The following DCC variants were observed in gnomAD, a reference collection of about 807,000 sequenced individuals.
The protein encoded by DCC is DCC netrin 1 receptor, also known as netrin receptor DCC.
DCC carries 58 observed loss-of-function variants against 172.5 expected under a neutral mutation model. The ratio of observed to expected loss-of-function variants is 0.34; its 90% CI spans 0.27 to 0.42. The LOEUF is 0.42. Ranked by LOEUF, DCC falls within the 10% of genes least tolerant of loss-of-function variation. DCC has a pLI of 1.00. For missense variants in DCC, 1,740 were observed against 1,791.0 expected, an observed-to-expected ratio of 0.97 and a Z score of 0.51; for synonymous variants, 709 against 644.5, an observed-to-expected ratio of 1.10 and a Z score of -1.52.
intron 5 of DCC, among the ~76,000 whole-genome samples, chr18:53,025,057 AT>A (rs2041937536): frequency 6.6e-6 from 1 of 152,164 alleles, no homozygotes; most frequent in African/African-American, 2.4e-5. Context: ...ATTCTTGAAA[AT>A]GCTTGAATTT....
At chr18:52,580,259 GTTTGT>G (rs975702364) in intron 1 of DCC, among the ~76,000 whole-genome samples, 1 of 152,106 alleles carries the variant, frequency 6.6e-6, no homozygotes, top group Non-Finnish European at 1.5e-5. Flanking sequence ...CTTTTGTTTT[GTTTGT>G]TTTGTTTTGT....
At chr18:52,700,666 C>T (rs12608115) in intron 1 of DCC, among the ~76,000 whole-genome samples, 55,711 of 152,020 alleles carry the variant, frequency 0.37, 11,486 homozygotes, top group Non-Finnish European at 0.47. Flanking sequence ...GCCACTTGTA[C>T]TCAATAGGTA....
chr18:53,521,570 A>C (rs2046399122), intron 27 of DCC, among the ~76,000 whole-genome samples: 1 of 152,126 alleles, frequency 6.6e-6, no homozygotes. Flanking sequence ...ATTCTAAAAG[A>C]ATCTTTACTT....
intron 3 of DCC, among the ~76,000 whole-genome samples, chr18:52,907,198 T>A (rs142193839): frequency 0.012 from 1,796 of 147,626 alleles, 27 homozygotes; most frequent in African/African-American, 0.04. Context: ...ATTATATATA[T>A]ACCCTATATA....
chr18:52,699,414 C>G (rs536410078), intron 1 of DCC, among the ~76,000 whole-genome samples: 42 of 152,306 alleles, frequency 2.8e-4, no homozygotes, highest in African/African-American at 9.6e-4. Context: ...CCCTATCCCC[C>G]CCAAGGTTTG....
intron 1 of DCC, among the ~76,000 whole-genome samples, chr18:52,445,621 C>G (rs1240245507): frequency 2.0e-5 from 3 of 152,078 alleles, no homozygotes; most frequent in Non-Finnish European, 2.9e-5. Flanking sequence ...TTCAGATGTT[C>G]AGTTTCTCTA....
intron 7 of DCC, among the ~76,000 whole-genome samples, chr18:53,076,475 A>G (rs1449645286): frequency 6.6e-6 from 1 of 152,132 alleles, no homozygotes; most frequent in East Asian, 1.9e-4. Flanking sequence ...CCACCTCTGA[A>G]GGCTTTACTT....
intron 25 of DCC, among the ~76,000 whole-genome samples, chr18:53,484,348 C>T (rs1304332329): frequency 1.3e-5 from 2 of 151,566 alleles, no homozygotes; most frequent in Non-Finnish European, 3.0e-5. Flanking sequence ...CACCGAGAGG[C>T]ACTTTTTGTA....
chr18:52,705,711 A>G (rs2036197293), intron 1 of DCC, among the ~76,000 whole-genome samples: 1 of 152,178 alleles, frequency 6.6e-6, no homozygotes, highest in African/African-American at 2.4e-5. Flanking sequence ...CACATCATTG[A>G]GCTGAGTGGT....
intron 2 of DCC, among the ~76,000 whole-genome samples, chr18:52,790,618 A>G (rs2037743604): frequency 6.6e-6 from 1 of 152,188 alleles, no homozygotes; most frequent in Admixed American, 6.5e-5. Context: ...AAGGAACCAC[A>G]CCATACAAAA....
chr18:52,734,288 T>C (rs1185891738), intron 1 of DCC, among the ~76,000 whole-genome samples: 1 of 152,150 alleles, frequency 6.6e-6, no homozygotes, highest in East Asian at 1.9e-4. Flanking sequence ...AAATATATAG[T>C]AAATTATATG....
chr18:52,564,880 CT>C (rs1404784219), intron 1 of DCC, among the ~76,000 whole-genome samples: 1 of 152,004 alleles, frequency 6.6e-6, no homozygotes, highest in Admixed American at 6.6e-5. Context: ...CTTAGGCGGC[CT>C]TACATCAAAA....
chr18:52,456,845 C>T (rs1183880752), intron 1 of DCC, among the ~76,000 whole-genome samples: 2 of 152,194 alleles, frequency 1.3e-5, no homozygotes, highest in East Asian at 3.9e-4. Flanking sequence ...AACAGAATTC[C>T]CTGTTTTTTG....
intron 1 of DCC, among the ~76,000 whole-genome samples, chr18:52,349,247 C>A (rs1984012969): frequency 6.6e-6 from 1 of 152,092 alleles, no homozygotes; most frequent in Non-Finnish European, 1.5e-5. Flanking sequence ...CTAATGAAGA[C>A]CCCTGAATGA....
chr18:52,635,898 T>C (rs2034769458), intron 1 of DCC, among the ~76,000 whole-genome samples: 1 of 152,100 alleles, frequency 6.6e-6, no homozygotes. Context: ...GCGGCTCGCA[T>C]TGTGAATTTT....
At chr18:52,912,753 G>A (rs561844928) in intron 3 of DCC, among the ~76,000 whole-genome samples, 1 of 152,032 alleles carries the variant, frequency 6.6e-6, no homozygotes, top group Admixed American at 6.6e-5. Context: ...AGAGAAAAGG[G>A]TGGACGACAT....
intron 7 of DCC, among the ~76,000 whole-genome samples, chr18:53,080,881 G>T (rs1439695292): frequency 6.6e-6 from 1 of 152,004 alleles, no homozygotes; most frequent in Non-Finnish European, 1.5e-5. Flanking sequence ...TGCATCTTTA[G>T]TTCCTTGATA....
chr18:53,502,702 G>A (rs975929454), intron 27 of DCC, among the ~76,000 whole-genome samples: 3 of 152,012 alleles, frequency 2.0e-5, no homozygotes, highest in East Asian at 1.9e-4. Flanking sequence ...TTTACTTACC[G>A]CAAGTAATTA....
At chr18:53,056,613 T>A (rs142441728) in intron 5 of DCC, among the ~76,000 whole-genome samples, 1 of 152,234 alleles carries the variant, frequency 6.6e-6, no homozygotes, top group Non-Finnish European at 1.5e-5. Flanking sequence ...TTGGTGTGAT[T>A]AGTCTTTTCA....
Sources: gnomAD v4.1 joint callset for allele counts (sites outside exome capture counted in the v4.1 genomes callset) on GRCh38, gnomAD v4.1.1 for gene constraint, MANE v1.5 for transcripts, NCBI Gene and HGNC (gene_info 2026-07-23, HGNC 2026-07-21) for gene names.